The following COL6A5 variants were observed in gnomAD, a reference collection of about 807,000 sequenced individuals.
COL6A5 encodes collagen type VI alpha 5 chain.
COL6A5 carries 48 observed loss-of-function variants against 65.6 expected under a neutral mutation model. That is an observed-to-expected ratio of 0.73 (90% CI 0.58 to 0.93). The LOEUF (loss-of-function observed/expected upper bound fraction) is 0.93, where lower values mean the gene tolerates loss of function less well. COL6A5 is among the 40% of genes least tolerant of loss of function. The pLI is 0.00. For missense variants in COL6A5, 914 were observed against 928.3 expected (o/e 0.98, Z 0.20); for synonymous variants, 291 against 322.8 (o/e 0.90, Z 1.05).
chr3:130,422,739 G>C, exon 28 of COL6A5: 1 of 1,530,892 alleles, frequency 6.5e-7, no homozygotes, highest in Non-Finnish European at 8.8e-7. Flanking sequence ...GGTAATCCTG[G>C]AATTCCTGGG....
intron 3 of COL6A5, among the ~76,000 whole-genome samples, chr3:130,378,595 C>G (rs1407096201): frequency 6.6e-6 from 1 of 152,106 alleles, no homozygotes; most frequent in Non-Finnish European, 1.5e-5. Flanking sequence ...GATCTGGGCC[C>G]TGCTTCCCTC....
At chr3:130,444,518 C>T (rs1003509190) in intron 4 of COL6A5, among the ~76,000 whole-genome samples, 2 of 152,160 alleles carry the variant, frequency 1.3e-5, no homozygotes, top group African/African-American at 4.8e-5. Context: ...GCCATGGCTT[C>T]AGCCGGTCCC....
At chr3:130,431,669 A>T in exon 1 of COL6A5, 1 of 1,551,598 alleles carries the variant, frequency 6.4e-7, no homozygotes, top group Non-Finnish European at 8.7e-7. Flanking sequence ...CGCTGGTCTG[A>T]CTACAATAGG....
chr3:130,461,396 T>TG (rs1709698429), intron 5 of COL6A5, among the ~76,000 whole-genome samples: 3 of 152,120 alleles, frequency 2.0e-5, no homozygotes, highest in Non-Finnish European at 4.4e-5. Context: ...AGGGCAACCA[T>TG]GGGCCAGCCA....
intron 7 of COL6A5, among the ~76,000 whole-genome samples, chr3:130,479,756 T>A (rs933733807): frequency 1.3e-5 from 2 of 152,138 alleles, no homozygotes; most frequent in Non-Finnish European, 2.9e-5. Flanking sequence ...TCAAAAAATA[T>A]ACTAATAATG....
At chr3:130,447,610 G>A (rs1026849660) in intron 4 of COL6A5, among the ~76,000 whole-genome samples, 7 of 152,096 alleles carry the variant, frequency 4.6e-5, no homozygotes, top group Admixed American at 6.5e-5. Flanking sequence ...TTGGCAAACC[G>A]CGTGTTGTAA....
At chr3:130,465,879 G>A (rs1322608303) in intron 5 of COL6A5, among the ~76,000 whole-genome samples, 2 of 151,966 alleles carry the variant, frequency 1.3e-5, no homozygotes, top group African/African-American at 2.4e-5. Context: ...GAATTTGCAG[G>A]GTTGAAAACC....
chr3:130,401,667 T>G, intron 11 of COL6A5, 95 bp from the exon 12 acceptor site: 2 of 901,416 alleles, frequency 2.2e-6, no homozygotes, highest in Non-Finnish European at 1.8e-6. Flanking sequence ...AAGATGGGCG[T>G]GTAGATGGTG....
intron 3 of COL6A5, 87 bp downstream of exon 35, chr3:130,440,912 C>A: frequency 3.2e-6 from 3 of 940,858 alleles, no homozygotes; most frequent in Non-Finnish European, 4.8e-6. Context: ...GTATCTATAG[C>A]TAATCTAAAC....
At chr3:130,421,532 T>C (rs760411144) in intron 27 of COL6A5, among the ~76,000 whole-genome samples, 172 bp downstream of exon 27, 1 of 152,098 alleles carries the variant, frequency 6.6e-6, no homozygotes, top group Non-Finnish European at 1.5e-5. Flanking sequence ...AATCTTTACA[T>C]TGGAAAAGAT....
At chr3:130,381,799 A>C (rs1323279835) in intron 4 of COL6A5, among the ~76,000 whole-genome samples, 1 of 152,110 alleles carries the variant, frequency 6.6e-6, no homozygotes. Context: ...GCTTCAATCT[A>C]ATACTGTTAC....
intron 1 of COL6A5, among the ~76,000 whole-genome samples, chr3:130,437,537 T>C (rs1213216553): frequency 6.6e-6 from 1 of 152,158 alleles, no homozygotes; most frequent in Non-Finnish European, 1.5e-5. Flanking sequence ...CCTGAAACTC[T>C]GCAATTTATC....
chr3:130,449,883 T>A (rs1442498397), intron 4 of COL6A5, among the ~76,000 whole-genome samples: 3 of 152,134 alleles, frequency 2.0e-5, no homozygotes, highest in Non-Finnish European at 2.9e-5. Context: ...GTATGAATGG[T>A]GATTCCTTTA....
rs1937828454 is a variant in COL6A5 at position 130,431,849 on chromosome 3, G to T, written c.389G>T (p.Ser130Ile). 6.4e-7 allele frequency: 1 copy of T among 1,551,660 alleles called. No homozygotes were observed. The highest frequency in any genetic ancestry group is 8.7e-7 in the Non-Finnish European group (1 of 1,146,944). The stretch of plus-strand genomic sequence containing the variant: ...TTTTTTAGCAATGGTCAAACAGCCA[G>T]TAGGTCATCCATCATCACGGCCACC... Residue 130 changes from serine (S) to isoleucine (I), a missense_variant, in exon 1 of 8, where the codon AGT (serine) becomes ATT (isoleucine). Physicochemically the swap from Ser to Ile is moderately radical, Grantham distance 142. Transcript: ENST00000512836.
At chr3:130,481,044 T>G (rs946133010) in intron 7 of COL6A5, among the ~76,000 whole-genome samples, 1 of 151,984 alleles carries the variant, frequency 6.6e-6, no homozygotes, top group Non-Finnish European at 1.5e-5. Context: ...TTTCTTTTTC[T>G]TTCTTTCTTT....
At chr3:130,406,225 AT>A (rs767251687) in intron 16 of COL6A5, 42 bp from the exon 17 acceptor site, 33 of 1,548,024 alleles carry the variant, frequency 2.1e-5, no homozygotes, top group African/African-American at 1.2e-4. Context: ...GGTTGCTAAA[AT>A]TTTTTTTAAG....
chr3:130,434,003 A>G (rs894531466), intron 1 of COL6A5, among the ~76,000 whole-genome samples: 5 of 150,684 alleles, frequency 3.3e-5, no homozygotes, highest in African/African-American at 7.3e-5. Context: ...ATACATGTGC[A>G]GAACATGCCG....
At chr3:130,429,117 C>T (rs542848225), upstream of COL6A5, among the ~76,000 whole-genome samples, 44 of 152,262 alleles carry the variant, frequency 2.9e-4, no homozygotes, top group Non-Finnish European at 5.9e-4. Flanking sequence ...ACTTGGAAAT[C>T]CCCCTATGGT....
intron 1 of COL6A5, among the ~76,000 whole-genome samples, chr3:130,367,515 TG>T (rs1935386506): frequency 1.3e-5 from 2 of 152,344 alleles, no homozygotes; most frequent in Admixed American, 1.3e-4. Context: ...GACGTAAAGA[TG>T]TATCAAACAT....
Sources: gnomAD v4.1 joint callset for allele counts (sites outside exome capture counted in the v4.1 genomes callset) on GRCh38, gnomAD v4.1.1 for gene constraint, MANE v1.5 for transcripts, NCBI Gene and HGNC (gene_info 2026-07-23, HGNC 2026-07-21) for gene names.